CTNNA2: variants seen among roughly 807,000 people sequenced by gnomAD.
CTNNA2 encodes catenin alpha-2.
A neutral mutation model predicts 101.0 loss-of-function variants in CTNNA2; 42 were observed. The observed-to-expected ratio is 0.42, with a 90% CI of 0.32 to 0.54. The LOEUF (loss-of-function observed/expected upper bound fraction) is 0.54, where lower values mean the gene tolerates loss of function less well. CTNNA2 is among the 20% of genes least tolerant of loss of function. CTNNA2 has a pLI of 0.14. For synonymous variants in CTNNA2, 450 were observed against 456.4 expected (o/e 0.99, Z 0.18); for missense variants, 871 against 1,223.1 (o/e 0.71, Z 4.29).
chr2:80,032,853 G>A (rs1695380175), intron 7 of CTNNA2, among the ~76,000 whole-genome samples: 1 of 152,068 alleles, frequency 6.6e-6, no homozygotes, highest in African/African-American at 2.4e-5. Flanking sequence ...ATACCACCAT[G>A]TGCTTGGACA....
At chr2:80,313,400 G>A in intron 7 of CTNNA2, 1 of 1,371,378 alleles carries the variant, frequency 7.3e-7, no homozygotes, top group Non-Finnish European at 9.5e-7. Context: ...TAGATAAAAT[G>A]TGGTGCCTAC....
intron 7 of CTNNA2, among the ~76,000 whole-genome samples, chr2:80,184,269 A>T (rs1705972707): frequency 6.6e-6 from 1 of 152,166 alleles, no homozygotes; most frequent in Non-Finnish European, 1.5e-5. Flanking sequence ...TAATTTTAGC[A>T]TGTCATTGAC....
chr2:80,196,111 C>CT lies in CTNNA2; in HGVS notation c.1057-197093dup, dbSNP rs550465858. 4.2e-3 allele frequency among the ~76,000 whole-genome samples: 633 copies of CT among 152,198 alleles called. 3 individuals carry two copies. Among genetic ancestry groups the CT allele is most frequent in the Middle Eastern group, 0.014 (4 of 294 alleles). ...TGTGTCATTTTACCTGACCTAACAT[C>CT]TTTTTTTGTAAAATGCATGTAATTA... On this transcript the variant is annotated intron_variant, in intron 7 of 18. Coordinates refer to ENST00000402739, the MANE Select transcript of CTNNA2 (RefSeq NM_001282597.3).
intron 8 of CTNNA2, among the ~76,000 whole-genome samples, chr2:80,411,506 G>A (rs987286127): frequency 3.3e-5 from 5 of 152,102 alleles, no homozygotes; most frequent in African/African-American, 1.2e-4. Flanking sequence ...TATCATGGGT[G>A]GGGAAGAGGG....
rs543472044 is a variant in CTNNA2 at position 80,402,061 on chromosome 2, T to C, written c.1137+8770T>C. Reference sequence around the variant, plus strand: ...ATATTTCTGACTGACCAGCTATACATTGGGGGATTCCCATTATCCCTCCCT... The same window carrying C: ...ATATTTCTGACTGACCAGCTATACACTGGGGGATTCCCATTATCCCTCCCT... On this transcript the variant is annotated intron_variant, in intron 8 of 18. Transcript: ENST00000402739. Among the ~76,000 whole-genome samples the C allele has an allele frequency of 1.0e-3, 158 of 152,348 alleles. 1 individual carries two copies. The highest frequency in any genetic ancestry group is 3.7e-3 in the African/African-American group (153 of 41,590).
Position 79,476,791 on chromosome 2 carries a change from C to T in CTNNA2, c.-134-28263C>T, listed in dbSNP as rs184462189. Among the ~76,000 whole-genome samples, 68 of 152,290 alleles carry T rather than the reference C, an allele frequency of 4.5e-4. 1 individual carries two copies. The East Asian group carries it at 6.4e-3, about 14-fold the overall frequency. On this transcript the variant is annotated intron_variant, in intron 4 of 21. Coordinates refer to the CTNNA2 transcript ENST00000466387. The stretch of plus-strand genomic sequence containing the variant: ...AATTTTTGCTAGCCACTCGGTCTCT[C>T]GGCTACCTTTGCCATCCCATTCAGG...
rs554033040 is a variant in CTNNA2, at chr2:79,527,732, C to T, written c.-6+14525C>T. Among the ~76,000 whole-genome samples the T allele has an allele frequency of 4.8e-4, 73 of 152,002 alleles. No individual in the cohort carries two copies. In the East Asian group the frequency reaches 6.2e-3, roughly 13 times the overall value. On this transcript the variant is annotated intron_variant, in intron 1 of 18. Transcript: ENST00000402739. ...TTTAAGGGGGAATATAAAATGATGC[C>T]GCTAATTTGGAAAACAGTTTGGTAG...
At chr2:79,339,608 T>C (rs1352543064) in intron 3 of CTNNA2, 2 of 152,230 alleles carry the variant, frequency 1.3e-5, no homozygotes, top group Non-Finnish European at 2.9e-5. Flanking sequence ...TGACGTCCAC[T>C]TTACAGATGA....
At chr2:80,098,193 G>T (rs1459409857) in intron 7 of CTNNA2, among the ~76,000 whole-genome samples, 1 of 152,118 alleles carries the variant, frequency 6.6e-6, no homozygotes, top group Non-Finnish European at 1.5e-5. Flanking sequence ...TGGTGTGGAT[G>T]TCCTTTCTGT....
At chr2:80,586,971 C>T (rs12474308) in intron 14 of CTNNA2, among the ~76,000 whole-genome samples, 46,690 of 151,906 alleles carry the variant, frequency 0.31, 8,018 homozygotes, top group East Asian at 0.46. Flanking sequence ...CACAGTGTGG[C>T]GAGCAGTGCT....
chr2:79,257,321 C>G (rs554934698), intron 2 of CTNNA2, among the ~76,000 whole-genome samples: 76 of 151,892 alleles, frequency 5.0e-4, no homozygotes, highest in Non-Finnish European at 9.0e-4. Context: ...AAACAGAGAA[C>G]TGAAACAGAA....
At chr2:80,531,259 C>T (rs904147554) in intron 9 of CTNNA2, among the ~76,000 whole-genome samples, 1 of 152,152 alleles carries the variant, frequency 6.6e-6, no homozygotes, top group Non-Finnish European at 1.5e-5. Flanking sequence ...CGGGCAGTAA[C>T]CATTGCAGTG....
intron 4 of CTNNA2, among the ~76,000 whole-genome samples, chr2:79,480,268 A>T (rs1192248357): frequency 3.3e-5 from 5 of 152,084 alleles, no homozygotes; most frequent in Non-Finnish European, 5.9e-5. Context: ...CAGGATGCAA[A>T]CACCTCTCAT....
chr2:80,321,857 G>A (rs938274020), intron 7 of CTNNA2, among the ~76,000 whole-genome samples: 11 of 152,138 alleles, frequency 7.2e-5, no homozygotes, highest in African/African-American at 2.2e-4. Context: ...CATGTTTTGC[G>A]AGGCTGGCTC....
At position 79,925,970 on chromosome 2, in the gene CTNNA2, C is replaced by T. The variant is rs908868618; in HGVS notation, c.1056+16173C>T. 6.6e-5 allele frequency among the ~76,000 whole-genome samples: 10 copies of T among 151,958 alleles called. No homozygotes were observed. The South Asian group carries it at 1.2e-3, about 19-fold the overall frequency. ...TTTTCGGCCAATCTGTGATAATACT[C>T]ATGGATCTGAAGATTACGATAGAAT... On this transcript the variant is annotated intron_variant, in intron 7 of 18. Transcript: ENST00000402739.
intron 3 of CTNNA2, among the ~76,000 whole-genome samples, chr2:79,346,804 C>A (rs951831205): frequency 6.6e-6 from 1 of 152,242 alleles, no homozygotes; most frequent in African/African-American, 2.4e-5. Context: ...GTCTACTAAA[C>A]CTCTCATGCT....
chr2:79,469,135 G>T (rs1387505052), intron 4 of CTNNA2, among the ~76,000 whole-genome samples: 1 of 151,910 alleles, frequency 6.6e-6, no homozygotes, highest in South Asian at 2.1e-4. Context: ...CCTCTAGCAA[G>T]ACTAATAAAG....
At chr2:80,009,913 A>G (rs947201974) in intron 7 of CTNNA2, among the ~76,000 whole-genome samples, 1 of 152,170 alleles carries the variant, frequency 6.6e-6, no homozygotes, top group African/African-American at 2.4e-5. Flanking sequence ...AGACCGTCCT[A>G]GGTTCAGATG....
At chr2:80,015,254 C>A (rs1298312120) in intron 7 of CTNNA2, among the ~76,000 whole-genome samples, 1 of 152,116 alleles carries the variant, frequency 6.6e-6, no homozygotes, top group East Asian at 1.9e-4. Flanking sequence ...CCTTTTCCCC[C>A]CTTCTTTTGG....
Sources: gnomAD v4.1 joint callset for allele counts (sites outside exome capture counted in the v4.1 genomes callset) on GRCh38, gnomAD v4.1.1 for gene constraint, MANE v1.5 for transcripts, NCBI Gene and HGNC (gene_info 2026-07-23, HGNC 2026-07-21) for gene names.